NPR3: variants seen among roughly 807,000 people sequenced by gnomAD.
NPR3 encodes atrial natriuretic peptide receptor 3.
NPR3 carries 34 observed loss-of-function variants against 54.5 expected under a neutral mutation model. The observed-to-expected ratio is 0.62, with a 90% CI of 0.47 to 0.83. The LOEUF (loss-of-function observed/expected upper bound fraction) is 0.83. Ranked by LOEUF, NPR3 falls within the 40% of genes least tolerant of loss-of-function variation. NPR3 has a pLI of 0.00. For synonymous variants in NPR3, 289 were observed against 297.1 expected (o/e 0.97, Z 0.28); for missense variants, 674 against 720.8 (o/e 0.94, Z 0.74).
chr5:32,777,104 G>A (rs559395045), intron 4 of NPR3, among the ~76,000 whole-genome samples: 2 of 152,330 alleles, frequency 1.3e-5, no homozygotes, highest in Non-Finnish European at 2.9e-5. Flanking sequence ...GCCAAAGCCC[G>A]AGAGGTAATG....
At chr5:32,743,804 T>C (rs560585352) in intron 3 of NPR3, among the ~76,000 whole-genome samples, 2 of 152,116 alleles carry the variant, frequency 1.3e-5, no homozygotes, top group South Asian at 4.2e-4. Context: ...TGATAGAAAA[T>C]AGGGTTGTTT....
At chr5:32,778,740 C>A (rs753817143) in intron 4 of NPR3, among the ~76,000 whole-genome samples, 1 of 152,164 alleles carries the variant, frequency 6.6e-6, no homozygotes, top group Non-Finnish European at 1.5e-5. Context: ...TGCTAATTGG[C>A]CACGCTGAGG....
At chr5:32,764,471 T>C (rs1408845192) in intron 3 of NPR3, among the ~76,000 whole-genome samples, 2 of 152,086 alleles carry the variant, frequency 1.3e-5, no homozygotes, top group African/African-American at 4.8e-5. Flanking sequence ...GGTCAATTTC[T>C]AGTGCTTTCA....
intron 1 of NPR3, among the ~76,000 whole-genome samples, chr5:32,715,610 AC>A (rs1738503968): frequency 6.6e-6 from 1 of 152,216 alleles, no homozygotes; most frequent in Admixed American, 6.5e-5. Context: ...ATTTTTAAAA[AC>A]AATTATCTTT....
upstream of NPR3, among the ~76,000 whole-genome samples, chr5:32,705,877 A>G (rs1359743283): frequency 6.6e-6 from 1 of 152,212 alleles, no homozygotes; most frequent in Admixed American, 6.5e-5. Flanking sequence ...ATTCCAGTCA[A>G]TGGGTGCCAA....
intron 3 of NPR3, among the ~76,000 whole-genome samples, chr5:32,757,307 A>G (rs1740899757): frequency 6.6e-6 from 1 of 152,170 alleles, no homozygotes; most frequent in South Asian, 2.1e-4. Context: ...TTTTCCTTGA[A>G]GAGGTCCTTC....
At chr5:32,710,621 G>T, upstream of NPR3, 1 of 1,446,062 alleles carries the variant, frequency 6.9e-7, no homozygotes, top group Non-Finnish European at 9.1e-7. Flanking sequence ...GGAAGGCGGG[G>T]TGTAGGTGAC....
chr5:32,695,832 T>C (rs1740518123), intron 1 of NPR3, among the ~76,000 whole-genome samples: 1 of 152,234 alleles, frequency 6.6e-6, no homozygotes, highest in South Asian at 2.1e-4. Flanking sequence ...TTTTGAGAAA[T>C]GTCTATTCAG....
intron 1 of NPR3, chr5:32,713,594 A>G (rs2111848333): frequency 3.7e-6 from 2 of 538,608 alleles, no homozygotes; most frequent in South Asian, 1.6e-4. Context: ...ATCCCGGCAA[A>G]GCTCCCCGAG....
intron 2 of NPR3, among the ~76,000 whole-genome samples, chr5:32,736,739 G>T (rs190992643): frequency 2.0e-5 from 3 of 152,194 alleles, no homozygotes; most frequent in South Asian, 4.2e-4. Context: ...CCCGAGCAGG[G>T]GTATGGCTCT....
chr5:32,702,020 C>A, intron 1 of NPR3, among the ~76,000 whole-genome samples: 1 of 152,134 alleles, frequency 6.6e-6, no homozygotes, highest in South Asian at 2.1e-4. Flanking sequence ...TCTGTAGTAA[C>A]CACTGCCTTG....
intron 2 of NPR3, among the ~76,000 whole-genome samples, chr5:32,738,075 G>C (rs962250629): frequency 6.6e-6 from 1 of 152,108 alleles, no homozygotes; most frequent in African/African-American, 2.4e-5. Flanking sequence ...CTAAGCTACT[G>C]TTCACCCTGA....
chr5:32,747,272 G>C (rs1430272429), intron 3 of NPR3, among the ~76,000 whole-genome samples: 1 of 152,052 alleles, frequency 6.6e-6, no homozygotes, highest in Non-Finnish European at 1.5e-5. Flanking sequence ...GATTTAGCTA[G>C]CTCTTTTATG....
At position 32,788,190 on chromosome 5, in the gene NPR3, A is replaced by G. The variant is rs1742732187; in HGVS notation, c.*1845A>G. 1.3e-5 allele frequency: 2 copies of G among 152,262 alleles called. No homozygotes were observed. The highest frequency in any genetic ancestry group is 4.1e-4 in the South Asian group (2 of 4,830). The allele number at this position is 152,262 out of a possible 1,614,324, so 9.4% of individuals were successfully genotyped here. A position where few individuals can be genotyped will look rare whatever the true frequency, so the allele number is the denominator to read the frequency against. The stretch of plus-strand genomic sequence containing the variant: ...TGGGAGGCAGCTGAGAGGGCGTGAT[A>G]AAAGAATTAAGTGTGATCAACTGAA... On this transcript the variant is annotated 3_prime_UTR_variant, in exon 8 of 8. Coordinates refer to ENST00000265074, the MANE Select transcript of NPR3 (RefSeq NM_001204375.2).
chr5:32,692,024 A>T (rs543539871), intron 1 of NPR3, among the ~76,000 whole-genome samples: 2 of 152,352 alleles, frequency 1.3e-5, no homozygotes, highest in African/African-American at 4.8e-5. Context: ...GCATATATTA[A>T]ACACATTAAG....
chr5:32,726,559 C>T (rs1301076409), intron 2 of NPR3, among the ~76,000 whole-genome samples: 2 of 152,120 alleles, frequency 1.3e-5, no homozygotes, highest in Non-Finnish European at 2.9e-5. Flanking sequence ...AAATGAAAAA[C>T]ATGTATGCTG....
intron 1 of NPR3, among the ~76,000 whole-genome samples, chr5:32,694,758 G>C (rs1273050184): frequency 6.6e-6 from 1 of 152,042 alleles, no homozygotes; most frequent in Non-Finnish European, 1.5e-5. Context: ...ATTGTTGACT[G>C]TAGCCACCCT....
chr5:32,738,785 C>A, intron 2 of NPR3, 79 bp from the exon 3 acceptor site: 1 of 1,251,292 alleles, frequency 8.0e-7, no homozygotes, highest in Non-Finnish European at 1.1e-6. Context: ...CATGCGGGGG[C>A]GCCTCACAGT....
At chr5:32,736,908 T>C (rs1385987561) in intron 2 of NPR3, among the ~76,000 whole-genome samples, 1 of 152,242 alleles carries the variant, frequency 6.6e-6, no homozygotes, top group African/African-American at 2.4e-5. Context: ...ATTTGTCTTT[T>C]AACAGCTCCC....
Sources: allele counts gnomAD v4.1 joint callset (sites outside exome capture counted in the v4.1 genomes callset), GRCh38; gene constraint gnomAD v4.1.1; transcripts MANE v1.5; gene names NCBI Gene and HGNC (gene_info 2026-07-23, HGNC 2026-07-21).